COG1: variants seen among roughly 807,000 people sequenced by gnomAD.
COG1 encodes the protein conserved oligomeric Golgi complex subunit 1.
Under a neutral mutation model 102.2 loss-of-function variants are expected in COG1, and 61 were observed. That is an observed-to-expected ratio of 0.60 (90% CI 0.49 to 0.74). The LOEUF is 0.74. Among genes scored for constraint, COG1 ranks in the 30% least tolerant of loss-of-function variants. COG1 has a pLI of 0.00. For missense variants in COG1, 1,164 were observed against 1,232.1 expected (o/e 0.94, Z 0.83); for synonymous variants, 454 against 493.6 (o/e 0.92, Z 1.06).
intron 6 of COG1, 100 bp from the exon 7 acceptor site, chr17:73,201,009 T>C: frequency 8.6e-7 from 1 of 1,164,888 alleles, no homozygotes; most frequent in Non-Finnish European, 1.3e-6. Flanking sequence ...CTGAAGATGG[T>C]GAACCTTCTG....
At chr17:73,194,413 G>C (rs2061316949) in intron 1 of COG1, among the ~76,000 whole-genome samples, 1 of 108,566 alleles carries the variant, frequency 9.2e-6, no homozygotes, top group African/African-American at 3.4e-5. Context: ...CTGCACTCCA[G>C]CCTGGGCCAC....
chr17:73,196,130 G>T (rs2061324027), intron 1 of COG1, among the ~76,000 whole-genome samples: 1 of 152,184 alleles, frequency 6.6e-6, no homozygotes, highest in African/African-American at 2.4e-5. Context: ...GAAGGTAGAA[G>T]AACCTAAAAG....
intron 13 of COG1, chr17:73,207,970 C>A: frequency 8.0e-7 from 1 of 1,248,956 alleles, no homozygotes; most frequent in Non-Finnish European, 1.0e-6. Context: ...ACCATCCAGT[C>A]CCTAAGCATG....
intron 4 of COG1, 91 bp from the exon 5 acceptor site, chr17:73,199,774 G>A (rs2061339484): frequency 2.0e-6 from 3 of 1,491,126 alleles, no homozygotes; most frequent in South Asian, 1.1e-5. Context: ...AGGTTTCACT[G>A]TGTTGCCCAA....
intron 4 of COG1, among the ~76,000 whole-genome samples, 165 bp downstream of exon 4, chr17:73,197,561 T>C (rs1162322885): frequency 1.3e-5 from 2 of 152,228 alleles, no homozygotes; most frequent in African/African-American, 2.4e-5. Flanking sequence ...TAGAAGCAGG[T>C]ATCAGACTCA....
intron 9 of COG1, among the ~76,000 whole-genome samples, chr17:73,204,005 G>A (rs962519373): frequency 2.6e-5 from 4 of 152,010 alleles, no homozygotes; most frequent in East Asian, 1.9e-4. Context: ...GCAGATCTTC[G>A]CTAAGAAGGC....
chr17:73,208,073 T>C, intron 13 of COG1: 2 of 1,408,134 alleles, frequency 1.4e-6, no homozygotes, highest in Non-Finnish European at 1.8e-6. Flanking sequence ...GAGAAGTGCC[T>C]GTGTCTACCC....
intron 6 of COG1, 114 bp downstream of exon 6, chr17:73,200,890 A>G (rs1290533384): frequency 2.8e-6 from 3 of 1,071,422 alleles, no homozygotes; most frequent in Non-Finnish European, 4.2e-6. Flanking sequence ...GCTTAGTAAC[A>G]GATCCAGAGT....
intron 13 of COG1, 118 bp from the exon 14 acceptor site, chr17:73,208,196 G>C (rs2061391309): frequency 6.3e-7 from 1 of 1,580,764 alleles, no homozygotes; most frequent in Non-Finnish European, 8.6e-7. Context: ...TAGAGCCATC[G>C]TGCTTCTCAG....
At chr17:73,207,039 G>C in intron 12 of COG1, 142 bp from the exon 13 acceptor site, 1 of 758,226 alleles carries the variant, frequency 1.3e-6, no homozygotes, top group Non-Finnish European at 2.2e-6. Flanking sequence ...CTTGCAGTGA[G>C]CCGAGATTGC....
In COG1 at chr17:73,199,857, C is replaced by G. The variant is rs761810775; in HGVS notation, c.914-8C>G. 5.6e-6 allele frequency: 9 copies of G among 1,614,014 alleles called. No individual in the cohort carries two copies. Among genetic ancestry groups the G allele is most frequent in the Non-Finnish European group, 7.6e-6 (9 of 1,180,050 alleles). On this transcript the variant is annotated splice_polypyrimidine_tract_variant and splice_region_variant and intron_variant, in intron 4 of 13. Coordinates refer to ENST00000299886, the MANE Select transcript of COG1 (RefSeq NM_018714.3). ...CCTAGATGGCTTCTCACTTGGCCTT[C>G]TCTTTAGGAAAGGGCACTGGTGTCC...
intron 11 of COG1, 131 bp downstream of exon 11, chr17:73,206,393 G>A (rs756296143): frequency 1.3e-6 from 1 of 787,936 alleles, no homozygotes; most frequent in Non-Finnish European, 2.2e-6. Flanking sequence ...ATAGCCGAGT[G>A]TAGTTATAAG....
At chr17:73,198,127 G>A (rs935577269) in intron 4 of COG1, among the ~76,000 whole-genome samples, 7 of 152,194 alleles carry the variant, frequency 4.6e-5, no homozygotes, top group Admixed American at 3.9e-4. Flanking sequence ...CTGTTGCCAC[G>A]ATCCAGGTGT....
At chr17:73,203,533 T>G in intron 8 of COG1, 99 bp from the exon 9 acceptor site, 1 of 1,441,888 alleles carries the variant, frequency 6.9e-7, no homozygotes, top group Non-Finnish European at 9.7e-7. Flanking sequence ...GGGGTCAAAG[T>G]CCTGGCACAT....
rs746547964 is a variant in COG1 at position 73,202,970 on chromosome 17, CTTGT to C, written c.2074-29_2074-26del. 58 of 1,612,766 alleles carry C rather than the reference CTTGT, an allele frequency of 3.6e-5. No individual in the cohort carries two copies. In the East Asian group the frequency reaches 1.3e-3, roughly 35 times the overall value. ...GAAACTCTACAGAGGATCTGAGTGG[CTTGT>C]ATGGATATCTGCCTTTTATTACCAG... is the stretch of plus-strand genomic sequence containing the variant. On this transcript the variant is annotated intron_variant, in intron 7 of 13. Coordinates refer to ENST00000299886, the MANE Select transcript of COG1 (RefSeq NM_018714.3).
chr17:73,207,199 G>C lies in COG1; in HGVS notation c.2748G>C (p.Leu916=). 1.2e-6 allele frequency: 2 copies of C among 1,613,172 alleles called. No individual in the cohort carries two copies. The highest frequency in any genetic ancestry group is 8.5e-7 in the Non-Finnish European group (1 of 1,179,826). Residue 916 remains leucine (L), a synonymous_variant, in exon 13 of 14, where the codon CTG becomes CTC. Coordinates refer to ENST00000299886, the MANE Select transcript of COG1 (RefSeq NM_018714.3). The stretch of plus-strand genomic sequence containing the variant: ...TTTGGAGGTTTGGACTTCTCCCACT[G>C]AGCATGACAAGCACTCGAAAGGCTA... The part of the protein sequence containing the change: ...SSQIRFGLLP[L]SMTSTRKAKS...
At chr17:73,197,147 G>A (rs2061328779) in intron 3 of COG1, 66 bp downstream of exon 3, 1 of 1,612,994 alleles carries the variant, frequency 6.2e-7, no homozygotes, top group South Asian at 1.1e-5. Context: ...AGCTGCGGGA[G>A]ACTGAAGCCT....
rs750285470 is a variant in COG1 at position 73,197,040 on chromosome 17, G to A, written c.701G>A (p.Arg234Lys). 1.2e-6 allele frequency: 2 copies of A among 1,614,200 alleles called. No individual in the cohort carries two copies. Among genetic ancestry groups the A allele is most frequent in the Admixed American group, 3.3e-5 (2 of 60,018 alleles). ...RQALTDFLLA[R>K]KATIQKLLNQ... Reference sequence around the variant, plus strand: ...GCCCTCACAGACTTCCTGCTGGCCAGAAAGGCAACTATTCAGAAACTTCTC... The same window carrying A: ...GCCCTCACAGACTTCCTGCTGGCCAAAAAGGCAACTATTCAGAAACTTCTC... Residue 234 changes from arginine to lysine, a missense_variant, in exon 3 of 14, where the codon AGA (arginine) becomes AAA (lysine). By Grantham distance (26) the Arg-to-Lys change is conservative. Transcript: ENST00000299886.
At chr17:73,205,364 T>A (rs1419370437) in intron 9 of COG1, 189 bp from the exon 10 acceptor site, 2 of 655,642 alleles carry the variant, frequency 3.1e-6, no homozygotes, top group Non-Finnish European at 5.4e-6. Flanking sequence ...CTGTTAGGTT[T>A]TTAATTTTAA....
Sources: allele counts gnomAD v4.1 joint callset (sites outside exome capture counted in the v4.1 genomes callset), GRCh38; gene constraint gnomAD v4.1.1; transcripts MANE v1.5; gene names NCBI Gene and HGNC (gene_info 2026-07-23, HGNC 2026-07-21).